The following DNAJC24 variants were observed in gnomAD, a reference collection of about 807,000 sequenced individuals.
DNAJC24 encodes DnaJ heat shock protein family (Hsp40) member C24, also known as dnaJ homolog subfamily C member 24.
A neutral mutation model predicts 18.0 loss-of-function variants in DNAJC24; 17 were observed. The observed-to-expected ratio is 0.94, with a 90% confidence interval of 0.65 to 1.42. DNAJC24 has a LOEUF of 1.42. DNAJC24 is among the 40% of genes most tolerant of loss of function. The probability of loss-of-function intolerance (pLI) is 0.00; values close to 1 mark genes in which losing one functional copy is unlikely to be tolerated. For synonymous variants in DNAJC24, 55 were observed against 57.7 expected, an observed-to-expected ratio of 0.95 and a Z score of 0.21; for missense variants, 158 against 175.6, an observed-to-expected ratio of 0.90 and a Z score of 0.57.
chr11:31,372,404 C>G (rs1952274621), intron 2 of DNAJC24, among the ~76,000 whole-genome samples: 1 of 135,116 alleles, frequency 7.4e-6, no homozygotes, highest in Admixed American at 7.6e-5. Flanking sequence ...AATATTCTTA[C>G]TTTAGGTAGT....
intron 4 of DNAJC24, chr11:31,429,390 A>T: frequency 1.3e-5 from 4 of 296,848 alleles, no homozygotes; most frequent in South Asian, 1.1e-4. Context: ...AGATATTTGT[A>T]TGAAATCATG....
intron 2 of DNAJC24, among the ~76,000 whole-genome samples, chr11:31,382,015 G>T (rs958529053): frequency 2.5e-4 from 38 of 152,088 alleles, no homozygotes. Flanking sequence ...CAATGTGAGG[G>T]TGTCTTTAGT....
chr11:31,414,962 G>A lies in DNAJC24; in HGVS notation c.250+13G>A. ...CTGCAGCGGTGTGGTAGGTGCTTGT[G>A]TTGAGGAGCCACAGCACATCGGCAA... On this transcript the variant is annotated intron_variant, in intron 3 of 4. Coordinates refer to ENST00000465995, the MANE Select transcript of DNAJC24 (RefSeq NM_181706.5). 6.2e-7 allele frequency: 1 copy of A among 1,611,136 alleles called. No homozygotes were observed. The highest frequency in any genetic ancestry group is 8.5e-7 in the Non-Finnish European group (1 of 1,179,016).
intron 2 of DNAJC24, among the ~76,000 whole-genome samples, chr11:31,404,870 G>T (rs943913755): frequency 6.6e-6 from 1 of 151,382 alleles, no homozygotes; most frequent in Non-Finnish European, 1.5e-5. Context: ...TACTTGAGTG[G>T]GACCTTCCCC....
At chr11:31,386,826 A>G (rs1046071405) in intron 2 of DNAJC24, among the ~76,000 whole-genome samples, 3 of 152,156 alleles carry the variant, frequency 2.0e-5, no homozygotes, top group Non-Finnish European at 4.4e-5. Flanking sequence ...TGGCTCCTGA[A>G]CAACATCACT....
At chr11:31,426,666 TGTA>T (rs1267899672) in intron 4 of DNAJC24, 1 of 208,950 alleles carries the variant, frequency 4.8e-6, no homozygotes, top group Non-Finnish European at 9.4e-6. Flanking sequence ...TATGTAGTAT[TGTA>T]GTATGGTAAA....
chr11:31,405,359 C>T (rs571254208), intron 2 of DNAJC24, among the ~76,000 whole-genome samples: 6 of 151,278 alleles, frequency 4.0e-5, no homozygotes, highest in East Asian at 3.9e-4. Flanking sequence ...CATGAGCCAC[C>T]GCACCCAGCC....
intron 2 of DNAJC24, among the ~76,000 whole-genome samples, chr11:31,411,231 A>C (rs1185706138): frequency 1.3e-5 from 2 of 152,180 alleles, no homozygotes; most frequent in Non-Finnish European, 2.9e-5. Flanking sequence ...TTGTTTTCCC[A>C]TTGGCAATAG....
At chr11:31,370,892 G>A (rs1394282262) in intron 2 of DNAJC24, 33 bp downstream of exon 2, 4 of 1,426,014 alleles carry the variant, frequency 2.8e-6, no homozygotes, top group African/African-American at 2.9e-5. Context: ...TAAATCATGA[G>A]GGGAAAAAAA....
At chr11:31,383,926 A>G (rs1952402823) in intron 2 of DNAJC24, among the ~76,000 whole-genome samples, 1 of 152,236 alleles carries the variant, frequency 6.6e-6, no homozygotes, top group African/African-American at 2.4e-5. Flanking sequence ...TCTTAAGCCA[A>G]ATAGGGCTAT....
chr11:31,420,705 T>C (rs1952795548), intron 3 of DNAJC24, among the ~76,000 whole-genome samples: 1 of 152,148 alleles, frequency 6.6e-6, no homozygotes, highest in Non-Finnish European at 1.5e-5. Context: ...AATATCTGTT[T>C]TTCAGGTTTA....
intron 3 of DNAJC24, among the ~76,000 whole-genome samples, chr11:31,419,789 T>C (rs1277826845): frequency 1.3e-5 from 2 of 151,772 alleles, no homozygotes; most frequent in Non-Finnish European, 2.9e-5. Flanking sequence ...TACACTCTGC[T>C]TACTTCTACT....
intron 2 of DNAJC24, 28 bp from the exon 3 acceptor site, chr11:31,414,783 C>G (rs1952738377): frequency 6.2e-7 from 1 of 1,607,458 alleles, no homozygotes; most frequent in Non-Finnish European, 8.5e-7. Context: ...CTCTACTCAC[C>G]CCCTGCACCC....
At chr11:31,418,360 T>TG (rs1952770689) in intron 3 of DNAJC24, among the ~76,000 whole-genome samples, 1 of 152,066 alleles carries the variant, frequency 6.6e-6, no homozygotes, top group Non-Finnish European at 1.5e-5. Context: ...ATAAATCTTG[T>TG]GGGGAGTTGT....
At chr11:31,376,067 G>T (rs938325972) in intron 2 of DNAJC24, among the ~76,000 whole-genome samples, 2 of 84,002 alleles carry the variant, frequency 2.4e-5, no homozygotes, top group African/African-American at 5.9e-5. Flanking sequence ...CGAGGAGGGG[G>T]TTCCCCCATA....
intron 3 of DNAJC24, among the ~76,000 whole-genome samples, chr11:31,418,986 AACT>A (rs1422051799): frequency 9.9e-5 from 15 of 152,094 alleles, no homozygotes; most frequent in African/African-American, 3.6e-4. Context: ...TAATTTCTTA[AACT>A]CAAAATAAGA....
chr11:31,390,380 A>T (rs556081771), intron 2 of DNAJC24, among the ~76,000 whole-genome samples: 30 of 128,936 alleles, frequency 2.3e-4, no homozygotes, highest in African/African-American at 8.5e-4. Context: ...TGGGTGACAG[A>T]GCAAGACTCT....
At chr11:31,407,640 A>G (rs1952667877) in intron 2 of DNAJC24, 2 of 140,908 alleles carry the variant, frequency 1.4e-5, no homozygotes, top group South Asian at 4.5e-4. Flanking sequence ...AGCCAGGATC[A>G]CTCCATTACA....
chr11:31,384,451 A>G (rs1952408076), intron 2 of DNAJC24: 1 of 152,232 alleles, frequency 6.6e-6, no homozygotes, highest in African/African-American at 2.4e-5. Context: ...TCAATATAAT[A>G]GATTCTCAGT....
Sources: allele counts gnomAD v4.1 joint callset (sites outside exome capture counted in the v4.1 genomes callset), GRCh38; gene constraint gnomAD v4.1.1; transcripts MANE v1.5; gene names NCBI Gene and HGNC (gene_info 2026-07-23, HGNC 2026-07-21).